ZDHHC11B: variants seen among roughly 807,000 people sequenced by gnomAD.
ZDHHC11B encodes the protein zDHHC palmitoyltransferase 11B (putative), also known as probable palmitoyltransferase ZDHHC11B.
ZDHHC11B carries 17 observed loss-of-function variants against 42.3 expected under a neutral mutation model. That is an observed-to-expected ratio of 0.40 (90% CI 0.27 to 0.60). The LOEUF (loss-of-function observed/expected upper bound fraction) is 0.60, where lower values mean the gene tolerates loss of function less well. Ranked by LOEUF, ZDHHC11B falls within the 20% of genes least tolerant of loss-of-function variation. ZDHHC11B has a pLI of 0.41. For synonymous variants in ZDHHC11B, 123 were observed against 193.5 expected (o/e 0.64, Z 3.02); for missense variants, 262 against 463.2 (o/e 0.57, Z 3.99).
In ZDHHC11B at chr5:743,008, T is replaced by C. The variant is rs375597; in HGVS notation, c.901-1380A>G. Among the ~76,000 whole-genome samples, 185 of 149,596 alleles carry C rather than the reference T, an allele frequency of 1.2e-3. 4 individuals carry two copies. Among genetic ancestry groups the C allele is most frequent in the Middle Eastern group, 6.8e-3 (2 of 292 alleles). On this transcript the variant is annotated intron_variant, in intron 9 of 13. Coordinates refer to ENST00000508859, the MANE Select transcript of ZDHHC11B (RefSeq NM_001351303.2). ...CAGATGGATTTGGGGCTAATTCTTCTGTGGGGAATGAAGTGATCCTGGGTA... is the reference window on the plus strand; with the variant it reads ...CAGATGGATTTGGGGCTAATTCTTCCGTGGGGAATGAAGTGATCCTGGGTA...
chr5:746,365 A>G (rs1249254042), intron 8 of ZDHHC11B, among the ~76,000 whole-genome samples: 3 of 146,482 alleles, frequency 2.0e-5, no homozygotes, highest in Non-Finnish European at 4.5e-5. Context: ...CCTGTGAGGT[A>G]GAGAAGAAGC....
At chr5:777,442 G>A (rs561776127) in intron 1 of ZDHHC11B, among the ~76,000 whole-genome samples, 18 of 147,522 alleles carry the variant, frequency 1.2e-4, no homozygotes, top group Admixed American at 6.2e-4. Flanking sequence ...CCTCCCTGGT[G>A]AGTGCTACAG....
intron 1 of ZDHHC11B, among the ~76,000 whole-genome samples, chr5:770,034 G>A (rs1027674993): frequency 6.6e-6 from 1 of 151,872 alleles, no homozygotes; most frequent in Non-Finnish European, 1.5e-5. Flanking sequence ...CTTCTTGGCT[G>A]CCCAGTCCTT....
intron 1 of ZDHHC11B, among the ~76,000 whole-genome samples, chr5:777,141 A>G (rs996167427): frequency 6.6e-6 from 1 of 151,826 alleles, no homozygotes; most frequent in Non-Finnish European, 1.5e-5. Context: ...TTCTTCCTTC[A>G]GATGTTCAGA....
At chr5:763,995 G>A (rs1734957693) in intron 4 of ZDHHC11B, among the ~76,000 whole-genome samples, 1 of 151,896 alleles carries the variant, frequency 6.6e-6, no homozygotes, top group Admixed American at 6.6e-5. Flanking sequence ...TAAACTGAAA[G>A]ACGCCACAGG....
chr5:776,833 GGGTGCAGCAC>G (rs1736539272), intron 1 of ZDHHC11B, among the ~76,000 whole-genome samples: 2 of 151,880 alleles, frequency 1.3e-5, no homozygotes, highest in African/African-American at 4.8e-5. Flanking sequence ...GAGCCCATTT[GGGTGCAGCAC>G]AGCCCTTTGG....
chr5:749,212 C>T (rs1343224004), intron 7 of ZDHHC11B, among the ~76,000 whole-genome samples: 2 of 130,310 alleles, frequency 1.5e-5, no homozygotes, highest in African/African-American at 5.0e-5. Flanking sequence ...CACCCTAAAA[C>T]AGCCGCCTTC....
chr5:770,971 G>GACCCAT (rs1735979709), intron 1 of ZDHHC11B, among the ~76,000 whole-genome samples: 1 of 151,862 alleles, frequency 6.6e-6, no homozygotes, highest in Admixed American at 6.6e-5. Context: ...CATGGGCTTC[G>GACCCAT]GTAAGACCCA....
chr5:773,916 G>A (rs575425078), intron 1 of ZDHHC11B, among the ~76,000 whole-genome samples: 2 of 152,008 alleles, frequency 1.3e-5, no homozygotes, highest in South Asian at 4.2e-4. Flanking sequence ...TGTCCAACTG[G>A]CATCTTCAAA....
Position 716,800 on chromosome 5 carries a change from C to A in ZDHHC11B, c.*7+1G>T. ...ATGACCTGCACTGCCACGTATCTTACCCGAATCTCAGTCTTCACTTTCAGC... is the reference window on the plus strand; with the variant it reads ...ATGACCTGCACTGCCACGTATCTTAACCGAATCTCAGTCTTCACTTTCAGC... On this transcript the variant is annotated splice_donor_variant, in intron 13 of 13. Transcript: ENST00000508859. LOFTEE classifies it low-confidence loss of function (3UTR_SPLICE). 1.2e-6 allele frequency: 2 copies of A among 1,613,048 alleles called. No individual in the cohort carries two copies. The highest frequency in any genetic ancestry group is 1.1e-5 in the South Asian group (1 of 91,000).
intron 7 of ZDHHC11B, among the ~76,000 whole-genome samples, chr5:750,161 G>A (rs565224900): frequency 4.8e-4 from 56 of 117,640 alleles, no homozygotes; most frequent in Admixed American, 1.3e-3. Flanking sequence ...CCTGCACCCC[G>A]AGGGGCTTCT....
chr5:716,865 C>G lies in ZDHHC11B; in HGVS notation c.1059G>C (p.Gly353=), dbSNP rs752145047. 71 of 1,612,868 alleles carry G rather than the reference C, an allele frequency of 4.4e-5. 2 individuals are homozygous for G. In the African/African-American group the frequency reaches 6.2e-4, roughly 14 times the overall value. ...ADDAPSTSTL[G]LQQETTEPMK... Reference sequence around the variant, plus strand: ...TGGGCTCTGTTGTTTCTTGTTGCAGCCTGTTTGCAATATTCAGAAAGAGAG... The same window carrying G: ...TGGGCTCTGTTGTTTCTTGTTGCAGGCTGTTTGCAATATTCAGAAAGAGAG... The change falls in exon 13 of 14, where the codon GGG becomes GGC. Residue 353 remains glycine (G), a splice_region_variant and synonymous_variant. Coordinates refer to ENST00000508859, the MANE Select transcript of ZDHHC11B (RefSeq NM_001351303.2).
At chr5:778,089 C>A (rs56886920) in intron 1 of ZDHHC11B, among the ~76,000 whole-genome samples, 3,474 of 150,400 alleles carry the variant, frequency 0.023, 30 homozygotes, top group East Asian at 0.081. Flanking sequence ...CTCCCAGACT[C>A]TGCAAAGGAC....
At chr5:743,169 A>G (rs1310794877) in intron 9 of ZDHHC11B, among the ~76,000 whole-genome samples, 1 of 148,924 alleles carries the variant, frequency 6.7e-6, no homozygotes, top group South Asian at 2.3e-4. Context: ...AAGTCAATTG[A>G]CCATAAATGA....
At chr5:778,289 C>T (rs567566667) in intron 1 of ZDHHC11B, among the ~76,000 whole-genome samples, 25 of 151,694 alleles carry the variant, frequency 1.6e-4, no homozygotes, top group African/African-American at 5.1e-4. Context: ...TCAACCATGT[C>T]GGAGACTCGG....
intron 1 of ZDHHC11B, among the ~76,000 whole-genome samples, chr5:770,421 T>C (rs1413186965): frequency 6.6e-6 from 1 of 150,480 alleles, no homozygotes; most frequent in East Asian, 1.9e-4. Context: ...GGAGCTGAGC[T>C]GGGTGCCAGG....
chr5:735,665 C>G (rs1264541038), intron 10 of ZDHHC11B, among the ~76,000 whole-genome samples: 2 of 143,770 alleles, frequency 1.4e-5, no homozygotes, highest in Non-Finnish European at 3.0e-5. Context: ...CTATCTCTAG[C>G]CTCTCCAAGC....
In ZDHHC11B at chr5:757,120, CA is replaced by C. The variant is rs1227916944; in HGVS notation, c.223-977del. On this transcript the variant is annotated intron_variant, in intron 4 of 13. Transcript: ENST00000508859. ...ACAAACACAGACTCCCCATGGCAAC[CA>C]AATAGAAGGGGTGGAGTGCGGGGCC... Among the ~76,000 whole-genome samples the C allele has an allele frequency of 4.6e-5, 7 of 151,970 alleles. No individual in the cohort carries two copies. In the East Asian group the frequency reaches 1.4e-3, roughly 29 times the overall value.
In ZDHHC11B at chr5:733,891, T is replaced by C. The variant is rs1393144195; in HGVS notation, c.936-52A>G. ...ACTCATCTCAGCTTTGTGGGGGGGC[T>C]CAGGGTGGCACTGGAGGCTGCACCG... On this transcript the variant is annotated intron_variant, in intron 10 of 13. Transcript: ENST00000508859. 2.0e-5 allele frequency: 30 copies of C among 1,497,654 alleles called. 1 individual carries two copies. The highest frequency in any genetic ancestry group is 2.9e-5 in the African/African-American group (2 of 69,546). 92.8% of individuals were successfully genotyped at this position (1,497,654 alleles called of 1,614,324 possible). A position where few individuals can be genotyped will look rare whatever the true frequency, so the allele number is the denominator to read the frequency against.
Sources: allele counts gnomAD v4.1 joint callset (sites outside exome capture counted in the v4.1 genomes callset), GRCh38; gene constraint gnomAD v4.1.1; transcripts MANE v1.5; gene names NCBI Gene and HGNC (gene_info 2026-07-23, HGNC 2026-07-21).